Variants in TRPM3 observed in about 807,000 individuals in gnomAD.
TRPM3 encodes the protein long transient receptor potential channel 3.
Under a neutral mutation model 181.2 loss-of-function variants are expected in TRPM3, and 77 were observed. The ratio of observed to expected loss-of-function variants is 0.42; its 90% CI spans 0.35 to 0.51. TRPM3 has a LOEUF of 0.51. TRPM3 is among the 20% of genes least tolerant of loss of function. The pLI, the probability that TRPM3 is intolerant of heterozygous loss-of-function variation, is 0.01. For synonymous variants in TRPM3, 745 were observed against 796.4 expected (o/e 0.94, Z 1.09); for missense variants, 1,759 against 2,196.7 (o/e 0.80, Z 3.98).
chr9:71,134,456 G>A (rs1032033197), intron 1 of TRPM3, among the ~76,000 whole-genome samples: 2 of 149,178 alleles, frequency 1.3e-5, no homozygotes, highest in Non-Finnish European at 3.0e-5. Flanking sequence ...GGAGGCTGAG[G>A]CAGGAGAATG....
At chr9:71,394,189 A>G (rs1249612376) in intron 1 of TRPM3, among the ~76,000 whole-genome samples, 1 of 152,210 alleles carries the variant, frequency 6.6e-6, no homozygotes, top group Non-Finnish European at 1.5e-5. Context: ...ATACAGTACA[A>G]TTATTTGGCC....
intron 8 of TRPM3, among the ~76,000 whole-genome samples, chr9:70,750,319 T>C (rs928050211): frequency 5.3e-5 from 8 of 152,112 alleles, no homozygotes; most frequent in African/African-American, 1.9e-4. Context: ...AAAGAAGTAA[T>C]TGAAGTGTGG....
chr9:70,581,567 T>A (rs2055684978), intron 22 of TRPM3, among the ~76,000 whole-genome samples: 1 of 152,262 alleles, frequency 6.6e-6, no homozygotes, highest in Non-Finnish European at 1.5e-5. Context: ...AGTTAGCCTG[T>A]GTGGAGATCA....
At chr9:70,912,966 C>A (rs1301710482) in intron 1 of TRPM3, among the ~76,000 whole-genome samples, 1 of 152,236 alleles carries the variant, frequency 6.6e-6, no homozygotes, top group East Asian at 1.9e-4. Flanking sequence ...CAGTTTTCTC[C>A]TTCTCTGAAA....
chr9:70,688,317 A>T (rs553677298), intron 8 of TRPM3, among the ~76,000 whole-genome samples: 1 of 152,154 alleles, frequency 6.6e-6, no homozygotes, highest in Non-Finnish European at 1.5e-5. Flanking sequence ...TTTTATTTCA[A>T]TAGTTTTTGG....
In TRPM3 at chr9:71,250,796, G is replaced by T. The variant is rs141825985; in HGVS notation, c.183+195857C>A. Among the ~76,000 whole-genome samples the T allele has an allele frequency of 4.6e-5, 7 of 152,252 alleles. No individual in the cohort carries two copies. In the East Asian group the frequency reaches 1.4e-3, roughly 29 times the overall value. On this transcript the variant is annotated intron_variant, in intron 1 of 24. Transcript: ENST00000357533. ...ATATGCAAAGGTCCTAAGATTCATT[G>T]GGGGAGGGGAGGTAGGCAGAGTAGC...
At chr9:71,135,822 C>A (rs1171030562) in intron 1 of TRPM3, among the ~76,000 whole-genome samples, 2 of 152,124 alleles carry the variant, frequency 1.3e-5, no homozygotes, top group African/African-American at 4.8e-5. Flanking sequence ...GCTTCATTTT[C>A]TCAGTAGAAT....
intron 1 of TRPM3, among the ~76,000 whole-genome samples, chr9:71,386,140 G>A (rs1204016423): frequency 6.6e-6 from 1 of 152,102 alleles, no homozygotes; most frequent in East Asian, 1.9e-4. Flanking sequence ...CAGAAAAGTG[G>A]TGGGCTGTTC....
intron 6 of TRPM3, chr9:70,827,090 A>T (rs1041282449): frequency 6.6e-6 from 1 of 152,256 alleles, no homozygotes; most frequent in African/African-American, 2.4e-5. Flanking sequence ...TGTGGTTCAC[A>T]TATACATCTA....
At chr9:71,333,607 C>T (rs189747286) in intron 1 of TRPM3, among the ~76,000 whole-genome samples, 1 of 152,058 alleles carries the variant, frequency 6.6e-6, no homozygotes, top group African/African-American at 2.4e-5. Flanking sequence ...GAACGGAATT[C>T]CTCCAACAAC....
chr9:70,621,307 C>T, intron 14 of TRPM3, 34 bp from the exon 15 acceptor site: 4 of 1,572,854 alleles, frequency 2.5e-6, no homozygotes, highest in African/African-American at 1.4e-5. Context: ...AAAGTTAGAT[C>T]AGTTAGATCT....
At chr9:71,230,105 A>G (rs1253390783) in intron 1 of TRPM3, among the ~76,000 whole-genome samples, 3 of 152,186 alleles carry the variant, frequency 2.0e-5, no homozygotes, top group Admixed American at 2.0e-4. Flanking sequence ...GGAGGCATAA[A>G]AAGAATGAGA....
intron 1 of TRPM3, among the ~76,000 whole-genome samples, chr9:71,345,983 C>A (rs1485691397): frequency 6.6e-6 from 1 of 152,126 alleles, no homozygotes; most frequent in Admixed American, 6.6e-5. Context: ...TTGTTTAGCA[C>A]ATTTTTCTTA....
At chr9:71,201,149 A>T (rs1295564316) in intron 1 of TRPM3, among the ~76,000 whole-genome samples, 1 of 151,592 alleles carries the variant, frequency 6.6e-6, no homozygotes, top group Non-Finnish European at 1.5e-5. Flanking sequence ...GTTTGGCTGG[A>T]TATGAAATTC....
chr9:70,770,659 G>A (rs903245153), intron 7 of TRPM3, among the ~76,000 whole-genome samples: 1 of 152,094 alleles, frequency 6.6e-6, no homozygotes, highest in Non-Finnish European at 1.5e-5. Context: ...CAGGTTATTT[G>A]ATCTCTTTAA....
intron 1 of TRPM3, among the ~76,000 whole-genome samples, chr9:71,398,911 T>C (rs896025786): frequency 6.6e-6 from 1 of 152,068 alleles, no homozygotes; most frequent in Non-Finnish European, 1.5e-5. Flanking sequence ...ATAAGAGTAA[T>C]GTAAACTTTA....
At chr9:71,374,637 G>C (rs1018811552) in intron 1 of TRPM3, among the ~76,000 whole-genome samples, 1 of 152,116 alleles carries the variant, frequency 6.6e-6, no homozygotes, top group Non-Finnish European at 1.5e-5. Flanking sequence ...TGTTCAAGTA[G>C]GAAAAGAGGA....
chr9:71,421,893 T>C (rs1016181741), intron 1 of TRPM3, among the ~76,000 whole-genome samples: 10 of 152,012 alleles, frequency 6.6e-5, no homozygotes, highest in Non-Finnish European at 7.4e-5. Flanking sequence ...GTTGACCACA[T>C]CATTATACAC....
chr9:71,059,968 A>T (rs891394104), intron 1 of TRPM3, among the ~76,000 whole-genome samples: 3 of 152,052 alleles, frequency 2.0e-5, no homozygotes, highest in African/African-American at 7.2e-5. Context: ...GTGGTTGAAG[A>T]TGTTGCAGAT....
Sources: allele counts gnomAD v4.1 joint callset (sites outside exome capture counted in the v4.1 genomes callset), GRCh38; gene constraint gnomAD v4.1.1; transcripts MANE v1.5; gene names NCBI Gene and HGNC (gene_info 2026-07-23, HGNC 2026-07-21).